Variants in PEPD observed in about 807,000 individuals in gnomAD.
The protein encoded by PEPD is xaa-Pro dipeptidase.
Under a neutral mutation model 60.7 loss-of-function variants are expected in PEPD, and 53 were observed. The ratio of observed to expected loss-of-function variants is 0.87; its 90% CI spans 0.70 to 1.10. PEPD has a LOEUF of 1.10. Ranked by LOEUF, PEPD falls within the 50% of genes least tolerant of loss-of-function variation. The probability of loss-of-function intolerance (pLI) is 0.00; values close to 1 mark genes in which losing one functional copy is unlikely to be tolerated. For synonymous variants in PEPD, 267 were observed against 284.1 expected (o/e 0.94, Z 0.60); for missense variants, 711 against 711.9 (o/e 1.00, Z 0.01).
In PEPD at chr19:33,387,207, G is replaced by C. The variant is rs947970543; in HGVS notation, c.*137C>G. The C allele has an allele frequency of 6.0e-6, 6 of 1,002,388 alleles. No homozygotes were observed. In the African/African-American group the frequency reaches 9.5e-5, roughly 16 times the overall value. The allele number at this position is 1,002,388 out of a possible 1,614,324, so 62.1% of individuals were successfully genotyped here. A position where few individuals can be genotyped will look rare whatever the true frequency, so the allele number is the denominator to read the frequency against. On this transcript the variant is annotated 3_prime_UTR_variant, in exon 15 of 15. Coordinates refer to ENST00000244137, the MANE Select transcript of PEPD (RefSeq NM_000285.4). ...TCCTCCCCGGGAAACAGCACTGTTTGGTCTGATCAAATGCCGAAGCTGGGA... is the reference window on the plus strand; with the variant it reads ...TCCTCCCCGGGAAACAGCACTGTTTCGTCTGATCAAATGCCGAAGCTGGGA...
At chr19:33,424,048 A>G (rs561952326) in intron 9 of PEPD, among the ~76,000 whole-genome samples, 2 of 152,332 alleles carry the variant, frequency 1.3e-5, no homozygotes, top group African/African-American at 2.4e-5. Flanking sequence ...ATCTTGTTGA[A>G]AGATAAATCC....
chr19:33,516,059 T>C (rs1295182418), intron 1 of PEPD, among the ~76,000 whole-genome samples: 1 of 152,072 alleles, frequency 6.6e-6, no homozygotes, highest in African/African-American at 2.4e-5. Context: ...GAACCCACCC[T>C]GTGCAGGGCT....
At chr19:33,418,026 A>G (rs1600099576) in intron 9 of PEPD, among the ~76,000 whole-genome samples, 1 of 152,150 alleles carries the variant, frequency 6.6e-6, no homozygotes, top group Non-Finnish European at 1.5e-5. Context: ...GCCTGTGCCC[A>G]CCATCCCTTC....
At chr19:33,403,504 C>T (rs566798608) in intron 11 of PEPD, among the ~76,000 whole-genome samples, 17 of 152,302 alleles carry the variant, frequency 1.1e-4, no homozygotes, top group Non-Finnish European at 1.2e-4. Context: ...CCAGCTCTCA[C>T]GGTAAACACA....
chr19:33,494,663 C>T (rs765879798), intron 4 of PEPD, among the ~76,000 whole-genome samples: 8 of 152,238 alleles, frequency 5.3e-5, no homozygotes, highest in Non-Finnish European at 1.0e-4. Context: ...TCGCTGAAGA[C>T]GGCCTGTGCC....
chr19:33,471,856 A>T (rs190874365), intron 7 of PEPD, among the ~76,000 whole-genome samples: 202 of 152,190 alleles, frequency 1.3e-3, no homozygotes, highest in Admixed American at 3.9e-3. Context: ...CTGTGTCTAC[A>T]AAACATTTAA....
intron 6 of PEPD, among the ~76,000 whole-genome samples, chr19:33,486,390 A>C (rs1299133527): frequency 6.6e-6 from 1 of 150,448 alleles, no homozygotes; most frequent in Non-Finnish European, 1.5e-5. Flanking sequence ...CAATCAAGCC[A>C]CACACGGAAC....
rs773348990 is a variant in PEPD at position 33,387,465 on chromosome 19, T to A, written c.1361A>T (p.Asp454Val). 2 of 1,613,614 alleles carry A rather than the reference T, an allele frequency of 1.2e-6. No homozygotes were observed. Among genetic ancestry groups the A allele is most frequent in the African/African-American group, 2.7e-5 (2 of 74,932 alleles). The change falls in exon 15 of 15, where the codon GAC (aspartate) becomes GTC (valine). Residue 454 changes from aspartate to valine, a missense_variant. Coordinates refer to ENST00000244137, the MANE Select transcript of PEPD (RefSeq NM_000285.4). ...TATGCCGCTGTCAGTCACCACGACGTCCTCCTCGATGCGGACCTGGGTCAA... is the reference window on the plus strand; with the variant it reads ...TATGCCGCTGTCAGTCACCACGACGACCTCCTCGATGCGGACCTGGGTCAA... The part of the protein sequence containing the change: ...RGFGGVRIEE[D>V]VVVTDSGIEL...
chr19:33,510,286 G>A (rs1233749138), intron 3 of PEPD, among the ~76,000 whole-genome samples: 5 of 152,224 alleles, frequency 3.3e-5, no homozygotes, highest in South Asian at 2.1e-4. Flanking sequence ...TGGTTTTAAG[G>A]AGCGGAGAGT....
At chr19:33,485,727 C>T (rs1023925862) in intron 6 of PEPD, among the ~76,000 whole-genome samples, 1 of 152,148 alleles carries the variant, frequency 6.6e-6, no homozygotes, top group African/African-American at 2.4e-5. Flanking sequence ...TAAATGGAAT[C>T]AATTCGTTAC....
intron 12 of PEPD, 104 bp downstream of exon 12, chr19:33,401,617 A>G: frequency 9.2e-7 from 1 of 1,083,582 alleles, no homozygotes; most frequent in East Asian, 2.6e-5. Context: ...AGTGTGGCAG[A>G]TTCAAGTCAC....
rs746203146 is a variant in PEPD, at chr19:33,493,348, G to A, written c.394-11C>T. The A allele has an allele frequency of 8.7e-6, 14 of 1,610,246 alleles. No individual in the cohort carries two copies. Among genetic ancestry groups the A allele is most frequent in the Middle Eastern group, 1.6e-4 (1 of 6,076 alleles). The stretch of plus-strand genomic sequence containing the variant: ...CAGGACGCTGGCAATCTAGAAGGTC[G>A]GAAAGAAAAACCCACTTTAGAGGCA... On this transcript the variant is annotated splice_polypyrimidine_tract_variant and intron_variant, in intron 4 of 14. Coordinates refer to ENST00000244137, the MANE Select transcript of PEPD (RefSeq NM_000285.4).
chr19:33,470,574 C>G (rs1050301164), intron 7 of PEPD, among the ~76,000 whole-genome samples: 10 of 152,158 alleles, frequency 6.6e-5, no homozygotes, highest in Non-Finnish European at 1.5e-4. Context: ...TCAGAAACCT[C>G]TAACACTTAG....
chr19:33,418,815 G>A (rs541978993), intron 9 of PEPD, among the ~76,000 whole-genome samples: 12 of 152,302 alleles, frequency 7.9e-5, no homozygotes, highest in South Asian at 4.1e-4. Flanking sequence ...CTGAGGCTCC[G>A]AGTGCCTGAA....
chr19:33,458,548 GTGGGGTGTGT>G (rs1969859473), intron 9 of PEPD, among the ~76,000 whole-genome samples: 1 of 141,708 alleles, frequency 7.1e-6, no homozygotes, highest in African/African-American at 2.7e-5. Context: ...TGTGTGTGGT[GTGGGGTGTGT>G]GTGTGGTATG....
At chr19:33,468,041 G>A (rs929576707) in intron 7 of PEPD, among the ~76,000 whole-genome samples, 6 of 152,172 alleles carry the variant, frequency 3.9e-5, no homozygotes, top group Non-Finnish European at 7.3e-5. Flanking sequence ...AAGAGCAGGA[G>A]CCGGGGTGCT....
intron 9 of PEPD, among the ~76,000 whole-genome samples, chr19:33,436,360 A>G (rs1338663305): frequency 6.6e-6 from 1 of 152,104 alleles, no homozygotes; most frequent in African/African-American, 2.4e-5. Flanking sequence ...CCTGCCTAAG[A>G]GGCAGGCGGG....
intron 9 of PEPD, among the ~76,000 whole-genome samples, chr19:33,444,560 C>G (rs1431606621): frequency 6.7e-6 from 1 of 149,670 alleles, no homozygotes; most frequent in Non-Finnish European, 1.5e-5. Flanking sequence ...TGCATCCAAT[C>G]CACAGGTGAG....
chr19:33,418,882 G>A (rs907582997), intron 9 of PEPD, among the ~76,000 whole-genome samples: 3 of 152,200 alleles, frequency 2.0e-5, no homozygotes, highest in African/African-American at 7.2e-5. Context: ...CTGAAGCCTC[G>A]GACTAAAGCC....
Sources: allele counts gnomAD v4.1 joint callset (sites outside exome capture counted in the v4.1 genomes callset), GRCh38; gene constraint gnomAD v4.1.1; transcripts MANE v1.5; gene names NCBI Gene and HGNC (gene_info 2026-07-23, HGNC 2026-07-21).